Variants in INTS7 observed in about 807,000 individuals in gnomAD.
The protein encoded by INTS7 is integrator complex subunit 7.
In INTS7, 46 loss-of-function variants were observed where a neutral mutation model predicts 109.2. That is an observed-to-expected ratio of 0.42 (90% CI 0.33 to 0.54). The LOEUF is 0.54. Ranked by LOEUF, INTS7 falls within the 20% of genes least tolerant of loss-of-function variation. INTS7 has a pLI of 0.07. For synonymous variants in INTS7, 412 were observed against 402.9 expected, an observed-to-expected ratio of 1.02 and a Z score of -0.27; for missense variants, 929 against 1,132.4, an observed-to-expected ratio of 0.82 and a Z score of 2.58.
At chr1:212,007,008 T>TA (rs997829690) in intron 6 of INTS7, among the ~76,000 whole-genome samples, 4 of 151,946 alleles carry the variant, frequency 2.6e-5, no homozygotes, top group African/African-American at 9.7e-5. Flanking sequence ...TTTTTTTTTT[T>TA]ATACGGCCAA....
At chr1:211,955,764 T>C (rs1233364780) in intron 16 of INTS7, among the ~76,000 whole-genome samples, 1 of 152,212 alleles carries the variant, frequency 6.6e-6, no homozygotes. Flanking sequence ...ATTATCTACC[T>C]ACAGTTTATG....
intron 19 of INTS7, among the ~76,000 whole-genome samples, chr1:211,944,119 A>C (rs1662744511): frequency 6.6e-6 from 1 of 152,184 alleles, no homozygotes; most frequent in Non-Finnish European, 1.5e-5. Flanking sequence ...ATTTTATAGA[A>C]ATGCTATATA....
chr1:212,030,690 C>G (rs1667122509), intron 1 of INTS7: 1 of 152,182 alleles, frequency 6.6e-6, no homozygotes, highest in Non-Finnish European at 1.5e-5. Flanking sequence ...CAGTGTGGGT[C>G]ACATGCCTAC....
intron 17 of INTS7, 54 bp downstream of exon 17, chr1:211,952,515 T>C: frequency 3.2e-6 from 5 of 1,570,630 alleles, no homozygotes; most frequent in Non-Finnish European, 4.3e-6. Flanking sequence ...GCCATAAATG[T>C]ATGAAAAACC....
intron 5 of INTS7, among the ~76,000 whole-genome samples, chr1:212,011,002 C>T (rs757788217): frequency 6.6e-6 from 1 of 152,082 alleles, no homozygotes; most frequent in Non-Finnish European, 1.5e-5. Flanking sequence ...TCAATATATA[C>T]AAAAAAGTCC....
chr1:211,989,864 A>G (rs1665072465), intron 7 of INTS7, among the ~76,000 whole-genome samples: 1 of 152,126 alleles, frequency 6.6e-6, no homozygotes, highest in African/African-American at 2.4e-5. Flanking sequence ...CAAAAACTCA[A>G]TAAAAATTTG....
intron 16 of INTS7, among the ~76,000 whole-genome samples, chr1:211,957,196 T>C (rs1461803610): frequency 6.6e-6 from 1 of 152,212 alleles, no homozygotes; most frequent in African/African-American, 2.4e-5. Flanking sequence ...ATGTGCCTAC[T>C]GGATATTAAC....
chr1:212,020,196 A>G lies in INTS7; in HGVS notation c.297T>C (p.Asn99=), dbSNP rs747376115. ...QSEKHLEKIL[N]VDEFVKRIFS... ...AAATTCTCTTCACAAATTCATCCAC[A>G]TTTAGAATCTTCTCCAAATGTTTCT... Residue 99 remains asparagine (N), a synonymous_variant, in exon 3 of 20, where the codon AAT becomes AAC. Transcript: ENST00000366994. The G allele has an allele frequency of 3.1e-6, 5 of 1,607,152 alleles. No homozygotes were observed. The Admixed American group carries it at 5.0e-5, about 16-fold the overall frequency.
rs1663507613 is a variant in INTS7 at position 211,959,358 on chromosome 1, C to T, written c.2184-6657G>A. 6.6e-6 allele frequency among the ~76,000 whole-genome samples: 1 copy of T among 152,192 alleles called. No homozygotes were observed. Among genetic ancestry groups the T allele is most frequent in the Admixed American group, 6.5e-5 (1 of 15,286 alleles). ...GGCCTCTCCTGGGGCCCCAACCTGG[C>T]TGTGCCTGCTTGCAGTGCAGCCTTG... On this transcript the variant is annotated intron_variant, in intron 16 of 19. Coordinates refer to ENST00000366994, the MANE Select transcript of INTS7 (RefSeq NM_015434.4). This position sits in a 1 kb window ranked among gnomAD's most constrained non-coding sequence, Gnocchi z 4.2.
At chr1:212,006,871 G>C (rs1328583745) in intron 6 of INTS7, 110 bp from the exon 7 acceptor site, 1 of 862,576 alleles carries the variant, frequency 1.2e-6, no homozygotes, top group Non-Finnish European at 1.8e-6. Context: ...CTTCAAATCA[G>C]AGCCCTGTCA....
At chr1:211,956,544 C>T (rs917382855) in intron 16 of INTS7, among the ~76,000 whole-genome samples, 2 of 152,080 alleles carry the variant, frequency 1.3e-5, no homozygotes, top group African/African-American at 4.8e-5. Flanking sequence ...TTATTCTTCC[C>T]TTATTATGCT....
chr1:211,945,032 G>A (rs1320925765), intron 18 of INTS7, 63 bp from the exon 19 acceptor site: 2 of 1,504,434 alleles, frequency 1.3e-6, no homozygotes, highest in Admixed American at 1.7e-5. Context: ...CGACAAACAT[G>A]TCTGTGCTAA....
At chr1:211,977,925 C>T (rs1382253465) in intron 11 of INTS7, among the ~76,000 whole-genome samples, 1 of 151,998 alleles carries the variant, frequency 6.6e-6, no homozygotes, top group Non-Finnish European at 1.5e-5. Context: ...TCATTATTTA[C>T]TCTGTATAAG....
chr1:211,951,765 C>T (rs1663102890), intron 17 of INTS7, among the ~76,000 whole-genome samples: 1 of 152,216 alleles, frequency 6.6e-6, no homozygotes, highest in African/African-American at 2.4e-5. Context: ...TTTCCTGCCT[C>T]CAAAACTGTG....
At position 212,011,372 on chromosome 1, in the gene INTS7, T is replaced by C; in HGVS notation, c.556+3A>G. 1 of 1,517,980 alleles carries C rather than the reference T, an allele frequency of 6.6e-7. No homozygotes were observed. 94.0% of individuals were successfully genotyped at this position (1,517,980 alleles called of 1,614,324 possible). ...TTCATAATACTAAATGAAGAATACA[T>C]ACCTTGAATCATTTCACTGATTTTG... On this transcript the variant is annotated splice_donor_region_variant and intron_variant, in intron 5 of 19. Transcript: ENST00000366994.
intron 15 of INTS7, among the ~76,000 whole-genome samples, chr1:211,967,173 G>A (rs1663925196): frequency 6.6e-6 from 1 of 152,100 alleles, no homozygotes; most frequent in African/African-American, 2.4e-5. Context: ...GTTTAAAAGT[G>A]ACGACCAGGC....
chr1:212,023,925 G>A (rs548764448), intron 1 of INTS7, among the ~76,000 whole-genome samples: 3 of 152,300 alleles, frequency 2.0e-5, no homozygotes, highest in South Asian at 4.1e-4. Context: ...TCATTCTTCT[G>A]CATAGGGCTA....
At chr1:212,012,889 T>G (rs908780424) in intron 4 of INTS7, among the ~76,000 whole-genome samples, 23 of 148,826 alleles carry the variant, frequency 1.5e-4, no homozygotes, top group African/African-American at 5.7e-4. Flanking sequence ...TCATCCAAAT[T>G]TAGAAACTAA....
chr1:211,990,388 A>G (rs933204749), intron 7 of INTS7, among the ~76,000 whole-genome samples: 3 of 152,214 alleles, frequency 2.0e-5, no homozygotes, highest in Admixed American at 2.0e-4. Flanking sequence ...TTTCACTTGT[A>G]AAGAAAAAAA....
Sources: allele counts gnomAD v4.1 joint callset (sites outside exome capture counted in the v4.1 genomes callset), GRCh38; gene constraint gnomAD v4.1.1; non-coding constraint Gnocchi (gnomAD v3.1); transcripts MANE v1.5; gene names NCBI Gene and HGNC (gene_info 2026-07-23, HGNC 2026-07-21).